SPTBN2: variants seen among roughly 807,000 people sequenced by gnomAD.
SPTBN2 encodes spectrin beta, non-erythrocytic 2.
Under a neutral mutation model 284.2 loss-of-function variants are expected in SPTBN2, and 107 were observed. That is an observed-to-expected ratio of 0.38 (90% confidence interval 0.32 to 0.44). The LOEUF is 0.44. Ranked by LOEUF, SPTBN2 falls within the 20% of genes least tolerant of loss-of-function variation. The pLI is 1.00. For synonymous variants in SPTBN2, 1,289 were observed against 1,354.8 expected (o/e 0.95, Z 1.07); for missense variants, 2,569 against 3,287.1 (o/e 0.78, Z 5.34).
chr11:66,721,712 CA>C (rs778761688), intron 1 of SPTBN2, among the ~76,000 whole-genome samples: 5 of 152,284 alleles, frequency 3.3e-5, no homozygotes, highest in Admixed American at 6.5e-5. Context: ...ATGATCAACC[CA>C]AGATGGCCTA....
Position 66,700,540 on chromosome 11 carries a change from C to A in SPTBN2, c.3559G>T (p.Val1187Leu), listed in dbSNP as rs369739429. 3 of 1,604,576 alleles carry A rather than the reference C, an allele frequency of 1.9e-6. No homozygotes were observed. The South Asian group carries it at 3.3e-5, about 18-fold the overall frequency. The change falls in exon 17 of 38, where the codon GTG becomes TTG. Residue 1187 changes from valine (V) to leucine (L), a missense_variant. Val to Leu is a conservative substitution (Grantham distance 32, BLOSUM62 1). Around this residue, in one of 6 missense-constraint regions of SPTBN2, gnomAD observed 1,012 missense variants for 1,248.9 expected, o/e 0.81. Transcript: ENST00000533211. This position sits in a 1 kb window ranked among gnomAD's most constrained non-coding sequence, Gnocchi z 6.6. Reference protein sequence around the residue: ...FLRDARQAEGVLSSQEYVLSH... With the variant: ...FLRDARQAEGLLSSQEYVLSH... ...TGGACTTTCACCTGGCTGCTGAGCACGCCCTCAGCCTGACGAGCATCCCGC... is the reference window on the plus strand; with the variant it reads ...TGGACTTTCACCTGGCTGCTGAGCAAGCCCTCAGCCTGACGAGCATCCCGC...
chr11:66,686,777 G>A, intron 36 of SPTBN2: 1 of 674,298 alleles, frequency 1.5e-6, no homozygotes, highest in Non-Finnish European at 2.5e-6. Context: ...CTTGACATTG[G>A]CAGCCGTCAG....
In SPTBN2 at chr11:66,715,770, G is replaced by A. The variant is rs1590970326; in HGVS notation, c.309+60C>T. ...ACTCTCTCTGAGGGCTGTTCTTCCAGCTGGTCCCCTTGGACACTTTTCTAA... is the reference window on the plus strand; with the variant it reads ...ACTCTCTCTGAGGGCTGTTCTTCCAACTGGTCCCCTTGGACACTTTTCTAA... On this transcript the variant is annotated intron_variant, in intron 4 of 37. Coordinates refer to ENST00000533211, the MANE Select transcript of SPTBN2 (RefSeq NM_006946.4). The surrounding 1 kb of genome is among the most constrained non-coding windows in gnomAD (Gnocchi z 5.3). 1 of 1,598,762 alleles carries A rather than the reference G, an allele frequency of 6.3e-7. No individual in the cohort carries two copies. The highest frequency in any genetic ancestry group is 2.3e-5 in the East Asian group (1 of 44,254).
Position 66,711,033 on chromosome 11 carries a change from C to T in SPTBN2, c.773-4G>A, listed in dbSNP as rs1423439023. 20 of 1,613,270 alleles carry T rather than the reference C, an allele frequency of 1.2e-5. No homozygotes were observed. The highest frequency in any genetic ancestry group is 5.3e-5 in the African/African-American group (4 of 74,922). ...TCTGGCTGGTCCACATTCACGTCTG[C>T]AAGAGAGGACCATTTGGGTCAGGCC... is the stretch of plus-strand genomic sequence containing the variant. On this transcript the variant is annotated splice_region_variant and splice_polypyrimidine_tract_variant and intron_variant, in intron 8 of 37. Coordinates refer to ENST00000533211, the MANE Select transcript of SPTBN2 (RefSeq NM_006946.4).
chr11:66,740,030 C>CA (rs763757428), intron 1 of SPTBN2, among the ~76,000 whole-genome samples: 82 of 151,736 alleles, frequency 5.4e-4, no homozygotes, highest in African/African-American at 3.6e-4. Context: ...AAAACTCCTT[C>CA]AAAAAAAAGC....
rs752524042 is a variant in SPTBN2, at chr11:66,696,514, C to T, written c.4041G>A (p.Lys1347=). The change falls in exon 21 of 38, where the codon AAG becomes AAA. Residue 1347 remains lysine (K), a synonymous_variant. Transcript: ENST00000533211. ...CCGACACCAGGGCTTTCAGCTCTGG[C>T]TTCTCAAGGGTGAGCTCTCGCCCTT... The part of the protein sequence containing the change: ...DKEGRELTLE[K]PELKALVSEK... 6.2e-7 allele frequency: 1 copy of T among 1,612,068 alleles called. No individual in the cohort carries two copies. Among genetic ancestry groups the T allele is most frequent in the Admixed American group, 1.7e-5 (1 of 60,028 alleles).
In SPTBN2 at chr11:66,687,392, G is replaced by A. The variant is rs1940188653; in HGVS notation, c.6722+35C>T. 2 of 1,596,720 alleles carry A rather than the reference G, an allele frequency of 1.3e-6. No individual in the cohort carries two copies. Among genetic ancestry groups the A allele is most frequent in the African/African-American group, 1.3e-5 (1 of 74,844 alleles). ...CTATCTGGGCAGAGGCTCTGGGGAA[G>A]TGCCCTCTGAGAGCAGGCTCCAGAG... is the stretch of plus-strand genomic sequence containing the variant. On this transcript the variant is annotated intron_variant, in intron 35 of 37. Coordinates refer to ENST00000533211, the MANE Select transcript of SPTBN2 (RefSeq NM_006946.4). The surrounding 1 kb of genome is among the most constrained non-coding windows in gnomAD (Gnocchi z 5.2).
intron 1 of SPTBN2, among the ~76,000 whole-genome samples, chr11:66,737,782 T>G (rs1225945707): frequency 6.6e-6 from 1 of 152,182 alleles, no homozygotes; most frequent in Non-Finnish European, 1.5e-5. Context: ...ACCAACACTC[T>G]ACCTTGGATA....
chr11:66,694,623 G>A (rs554682976), intron 21 of SPTBN2, among the ~76,000 whole-genome samples: 2 of 152,156 alleles, frequency 1.3e-5, no homozygotes, highest in Non-Finnish European at 2.9e-5. Flanking sequence ...CCAAACTTCA[G>A]CATCACACAA....
Position 66,685,680 on chromosome 11 carries a change from T to TAAAC in SPTBN2, c.*187_*190dup. The TAAAC allele has an allele frequency of 1.6e-6, 1 of 618,832 alleles. No homozygotes were observed. Among genetic ancestry groups the TAAAC allele is most frequent in the Non-Finnish European group, 2.9e-6 (1 of 345,818 alleles). 38.3% of individuals were successfully genotyped at this position (618,832 alleles called of 1,614,324 possible). A position where few individuals can be genotyped will look rare whatever the true frequency, so the allele number is the denominator to read the frequency against. On this transcript the variant is annotated 3_prime_UTR_variant, in exon 38 of 38. Transcript: ENST00000533211. This position sits in a 1 kb window ranked among gnomAD's most constrained non-coding sequence, Gnocchi z 4.4. ...CTGGGTCCCACCACCAGTCTGGAAT[T>TAAAC]AAACAGCAGAAGAGAAGGGCTGCCC...
At chr11:66,728,346 G>GGCGCGTGGCGGCGGC (rs1399593652) in intron 1 of SPTBN2, 19 of 145,576 alleles carry the variant, frequency 1.3e-4, no homozygotes, top group African/African-American at 4.7e-4. Context: ...GCGGCGGCGG[G>GGCGCGTGGCGGCGGC]GCGCGTGGCG....
At position 66,689,872 on chromosome 11, in the gene SPTBN2, T is replaced by G; in HGVS notation, c.5882A>C (p.Asp1961Ala). The change falls in exon 29 of 38, where the codon GAC becomes GCC. Residue 1961 changes from aspartate (D) to alanine (A), a missense_variant. Physicochemically the swap from Asp to Ala is moderately radical, Grantham distance 126. Transcript: ENST00000533211. The stretch of plus-strand genomic sequence containing the variant: ...CATGTCGATGCAGGAGGAGAAGCGG[T>G]CTGCCCGGGCCTCTATCTCTGCCTT... ...GIKAEIEARA[D>A]RFSSCIDMGK... 6.2e-7 allele frequency: 1 copy of G among 1,613,980 alleles called. No individual in the cohort carries two copies. Among genetic ancestry groups the G allele is most frequent in the Non-Finnish European group, 8.5e-7 (1 of 1,179,986 alleles).
rs1195848762 is a variant in SPTBN2 at position 66,707,005 on chromosome 11, T to C, written c.1653+511A>G. The stretch of plus-strand genomic sequence containing the variant: ...CTCCCTGACCAGGCCTGTAAGGCCC[T>C]AGTGGGCTGGCCGTGCCCTCCCAAA... On this transcript the variant is annotated intron_variant, in intron 13 of 37. Coordinates refer to ENST00000533211, the MANE Select transcript of SPTBN2 (RefSeq NM_006946.4). The surrounding 1 kb of genome is among the most constrained non-coding windows in gnomAD (Gnocchi z 4.9). 2.0e-5 allele frequency among the ~76,000 whole-genome samples: 3 copies of C among 152,236 alleles called. No homozygotes were observed. The highest frequency in any genetic ancestry group is 2.1e-4 in the South Asian group (1 of 4,830).
chr11:66,741,336 C>A (rs1302704505), intron 1 of SPTBN2, among the ~76,000 whole-genome samples: 1 of 152,194 alleles, frequency 6.6e-6, no homozygotes, highest in Non-Finnish European at 1.5e-5. Context: ...CTTCCTGCTG[C>A]CATGTGAAGA....
intron 20 of SPTBN2, 68 bp from the exon 21 acceptor site, chr11:66,696,608 C>CAGGG: frequency 6.3e-7 from 1 of 1,599,284 alleles, no homozygotes; most frequent in Non-Finnish European, 8.5e-7. Context: ...GAGAGCAGAC[C>CAGGG]AGGGGCCTTA....
upstream of SPTBN2, among the ~76,000 whole-genome samples, chr11:66,732,951 G>A (rs1355371750): frequency 6.8e-6 from 1 of 146,276 alleles, no homozygotes; most frequent in Non-Finnish European, 1.5e-5. Context: ...GGGGGACAGA[G>A]TGAGACTCTT....
chr11:66,699,689 T>C, intron 17 of SPTBN2, 81 bp from the exon 18 acceptor site: 1 of 1,424,554 alleles, frequency 7.0e-7, no homozygotes, highest in South Asian at 1.2e-5. Context: ...GGGGCAAATC[T>C]GAGAGGTAGG....
rs1209084969 is a variant in SPTBN2, at chr11:66,710,598, C to T, written c.1057G>A (p.Val353Met). 6.2e-6 allele frequency: 10 copies of T among 1,613,822 alleles called. No individual in the cohort carries two copies. The highest frequency in any genetic ancestry group is 1.7e-4 in the Middle Eastern group (1 of 6,040). Residue 353 changes from valine (V) to methionine (M), a missense_variant, in exon 10 of 38, where the codon GTG (valine) becomes ATG (methionine). Physicochemically the swap from Val to Met is conservative, Grantham distance 21. This residue lies in a region of SPTBN2 where 304 missense variants were observed against 522.1 expected (regional missense o/e 0.58). Transcript: ENST00000533211. This position sits in a 1 kb window ranked among gnomAD's most constrained non-coding sequence, Gnocchi z 4.9. ...QLQSFNSYRT[V>M]EKPPKFTEKG... ...GACACCTACTTGGGCGGCTTCTCCA[C>T]GGTGCGGTAGGAGTTGAAGGACTGC...
At chr11:66,743,134 CT>C (rs1401859735) in intron 1 of SPTBN2, among the ~76,000 whole-genome samples, 2 of 118,470 alleles carry the variant, frequency 1.7e-5, no homozygotes, top group Non-Finnish European at 3.4e-5. Context: ...ATGGGGAGCT[CT>C]GCGGGGGGTG....
Sources: gnomAD v4.1 joint callset for allele counts (sites outside exome capture counted in the v4.1 genomes callset) on GRCh38, gnomAD v4.1.1 for gene constraint, gnomAD v4.1.1 regional missense constraint, Gnocchi (gnomAD v3.1) non-coding constraint, MANE v1.5 for transcripts, NCBI Gene and HGNC (gene_info 2026-07-23, HGNC 2026-07-21) for gene names.